ACADVL: variants seen among roughly 807,000 people sequenced by gnomAD.
ACADVL encodes acyl-CoA dehydrogenase very long chain, also known as very long-chain acyl-CoA dehydrogenase, mitochondrial.
In ACADVL, 73 loss-of-function variants were observed where a neutral mutation model predicts 80.4. The observed-to-expected ratio is 0.91, with a 90% confidence interval of 0.75 to 1.10. ACADVL has a LOEUF of 1.10. Ranked by LOEUF, ACADVL falls within the 50% of genes least tolerant of loss-of-function variation. The pLI is 0.00. For synonymous variants in ACADVL, 392 were observed against 326.5 expected (o/e 1.20, Z -2.16); for missense variants, 878 against 858.9 (o/e 1.02, Z -0.28).
Position 7,220,545 on chromosome 17 carries a change from G to A in ACADVL, c.204+16G>A, listed in dbSNP as rs780773899. ...GGCCAAGGCGGTAGGTAGCCCCGAG[G>A]CCAGGTGGACCTTAGCCAGACCCAA... On this transcript the variant is annotated intron_variant, in intron 3 of 19. Transcript: ENST00000356839. 19 of 1,614,094 alleles carry A rather than the reference G, an allele frequency of 1.2e-5. No individual in the cohort carries two copies. The highest frequency in any genetic ancestry group is 1.4e-5 in the Non-Finnish European group (16 of 1,180,030).
At chr17:7,222,336 G>C (rs766485203) in intron 9 of ACADVL, 34 bp downstream of exon 9, 1 of 1,609,524 alleles carries the variant, frequency 6.2e-7, no homozygotes. Context: ...GCTTAGGACT[G>C]AGGGGCAGGA....
At chr17:7,221,835 AG>A (rs1389362473) in intron 7 of ACADVL, 116 bp from the exon 8 acceptor site, 2 of 1,592,248 alleles carry the variant, frequency 1.3e-6, no homozygotes, top group African/African-American at 2.7e-5. Context: ...GACATGCAAA[AG>A]AACTGGATAC....
At chr17:7,221,400 T>C in intron 6 of ACADVL, 138 bp from the exon 7 acceptor site, 20 of 1,436,328 alleles carry the variant, frequency 1.4e-5, no homozygotes, top group Non-Finnish European at 1.8e-5. Flanking sequence ...TTCTACACAC[T>C]GGGGATGGCC....
At position 7,220,778 on chromosome 17, in the gene ACADVL, A is replaced by G. The variant is rs201498083; in HGVS notation, c.290A>G (p.Glu97Gly). ...VFPYPSVLNE[E>G]QTQFLKELVE... is the part of the protein sequence containing the mutation. The stretch of plus-strand genomic sequence containing the variant: ...CCACCCTCTGCAGTGCTCAACGAAG[A>G]GCAGACACAGTTTCTTAAAGAGCTG... The change falls in exon 5 of 20, where the codon GAG becomes GGG. Residue 97 changes from glutamate to glycine, a missense_variant. By Grantham distance (98) the Glu-to-Gly change is moderately conservative (BLOSUM62 -2). Transcript: ENST00000356839. 1.2e-6 allele frequency: 2 copies of G among 1,614,118 alleles called. No individual in the cohort carries two copies. The highest frequency in any genetic ancestry group is 4.5e-5 in the East Asian group (2 of 44,882).
At chr17:7,217,273 G>A, upstream of ACADVL, 1 of 1,220,776 alleles carries the variant, frequency 8.2e-7, no homozygotes, top group East Asian at 3.2e-5. Flanking sequence ...GCCAGGATGG[G>A]GGGAGGGGTG....
chr17:7,220,334 A>AG (rs2071134383), intron 2 of ACADVL, 130 bp from the exon 3 acceptor site: 15 of 1,532,306 alleles, frequency 9.8e-6, no homozygotes, highest in Non-Finnish European at 1.2e-5. Context: ...AGGGCAAGCC[A>AG]GGGTGCCCTA....
upstream of ACADVL, chr17:7,217,739 A>G (rs730880036): frequency 2.9e-4 from 448 of 1,534,904 alleles, 1 homozygote; most frequent in Non-Finnish European, 1.5e-4. Flanking sequence ...GGGAAAGGAG[A>G]TAGAAGCAGA....
At chr17:7,223,010 TC>T in intron 10 of ACADVL, 122 bp from the exon 11 acceptor site, 2 of 1,438,546 alleles carry the variant, frequency 1.4e-6, no homozygotes. Context: ...TAGGTCTCCA[TC>T]CAGCGTAGAC....
Position 7,225,224 on chromosome 17 carries a change from A to G in ACADVL, c.*127A>G. The G allele has an allele frequency of 7.7e-7, 1 of 1,298,444 alleles. No individual in the cohort carries two copies. The highest frequency in any genetic ancestry group is 1.1e-6 in the Non-Finnish European group (1 of 916,170). 80.4% of individuals were successfully genotyped at this position (1,298,444 alleles called of 1,614,324 possible). A position where few individuals can be genotyped will look rare whatever the true frequency, so the allele number is the denominator to read the frequency against. ...TCCCAGCACTGTGCCTGCTCTCAAG[A>G]GCACTTACTGCCTCGCAAATAATAA... On this transcript the variant is annotated 3_prime_UTR_variant, in exon 20 of 20. Transcript: ENST00000356839.
upstream of ACADVL, chr17:7,219,431 G>A (rs2071080040): frequency 9.8e-7 from 1 of 1,018,522 alleles, no homozygotes; most frequent in Non-Finnish European, 1.2e-6. Context: ...TGTTCCAAGA[G>A]TTAGTGAATG....
At chr17:7,218,651 C>G (rs1275822632), upstream of ACADVL, 4 of 1,557,558 alleles carry the variant, frequency 2.6e-6, no homozygotes, top group Admixed American at 1.9e-5. Flanking sequence ...TAGTGAGATG[C>G]AAGGAGAATT....
intron 4 of ACADVL, 24 bp from the exon 5 acceptor site, chr17:7,220,742 C>T: frequency 6.2e-7 from 1 of 1,614,184 alleles, no homozygotes; most frequent in Non-Finnish European, 8.5e-7. Context: ...CTGGCCTGAC[C>T]AGCCTGTCCC....
chr17:7,218,452 G>T, upstream of ACADVL: 2 of 1,436,642 alleles, frequency 1.4e-6, no homozygotes, highest in Non-Finnish European at 1.9e-6. Context: ...CTCCAGCTTG[G>T]ACCAAATGAT....
At position 7,224,677 on chromosome 17, in the gene ACADVL, G is replaced by T; in HGVS notation, c.1714G>T (p.Ala572Ser). Residue 572 changes from alanine (A) to serine (S), a missense_variant, in exon 18 of 20, where the codon GCC becomes TCC. Physicochemically the swap from Ala to Ser is moderately conservative, Grantham distance 99. Coordinates refer to ENST00000356839, the MANE Select transcript of ACADVL (RefSeq NM_000018.4). Reference protein sequence around the residue: ...QFLLQRLADGAIDLYAMVVVL... With the variant: ...QFLLQRLADGSIDLYAMVVVL... Reference sequence around the variant, plus strand: ...TCTGCTGCAGCGGCTGGCAGACGGGGCCATCGACCTCTATGCCATGGTGGT... The same window carrying T: ...TCTGCTGCAGCGGCTGGCAGACGGGTCCATCGACCTCTATGCCATGGTGGT... The T allele has an allele frequency of 6.4e-7, 1 of 1,574,532 alleles. No individual in the cohort carries two copies.
rs372114185 is a variant in ACADVL, at chr17:7,222,007, C to T, written c.678C>T (p.Ala226=). The T allele has an allele frequency of 9.3e-6, 15 of 1,614,046 alleles. No individual in the cohort carries two copies. The highest frequency in any genetic ancestry group is 4.5e-5 in the East Asian group (2 of 44,884). Reference sequence around the variant, plus strand: ...AGCCCTCAAGCGGGTCAGATGCAGCCTCCATCCGAACCTCTGCTGTGCCCA... The same window carrying T: ...AGCCCTCAAGCGGGTCAGATGCAGCTTCCATCCGAACCTCTGCTGTGCCCA... The part of the protein sequence containing the change: ...LTEPSSGSDA[A]SIRTSAVPSP... Residue 226 remains alanine, a synonymous_variant, in exon 8 of 20, where the codon GCC becomes GCT. Transcript: ENST00000356839.
At chr17:7,219,312 G>A (rs371167572), upstream of ACADVL, 5 of 835,132 alleles carry the variant, frequency 6.0e-6, no homozygotes, top group Middle Eastern at 1.2e-3. Context: ...CATGGTCTCT[G>A]GAAGGAACAG....
chr17:7,219,621 T>C, upstream of ACADVL: 1 of 1,214,542 alleles, frequency 8.2e-7, no homozygotes, highest in Non-Finnish European at 1.0e-6. Flanking sequence ...TTTTCCCTTC[T>C]AACCCCACCG....
chr17:7,224,744 C>T lies in ACADVL; in HGVS notation c.1751+30C>T, dbSNP rs757837505. On this transcript the variant is annotated intron_variant, in intron 18 of 19. Transcript: ENST00000356839. ...GGAGGCAGGCAGGGAATGCCTGAGC[C>T]GCAGGGGGCCTGGGCCTGGATCCCA... The T allele has an allele frequency of 5.6e-6, 9 of 1,611,446 alleles. No individual in the cohort carries two copies. Among genetic ancestry groups the T allele is most frequent in the Middle Eastern group, 1.7e-4 (1 of 6,016 alleles).
Position 7,220,190 on chromosome 17 carries a change from C to A in ACADVL, c.131C>A (p.Ala44Asp). 6.5e-7 allele frequency: 1 copy of A among 1,533,044 alleles called. No individual in the cohort carries two copies. The highest frequency in any genetic ancestry group is 8.7e-7 in the Non-Finnish European group (1 of 1,145,892). 95.0% of individuals were successfully genotyped at this position (1,533,044 alleles called of 1,614,324 possible). ...GCCCGGCGGCCCTATGCCGGGGGTGCCGCTCAGGTAAGTCACCGCAGCCTT... is the reference window on the plus strand; with the variant it reads ...GCCCGGCGGCCCTATGCCGGGGGTGACGCTCAGGTAAGTCACCGCAGCCTT... ...GPARRPYAGG[A>D]AQLALDKSDS... Residue 44 changes from alanine (A) to aspartate (D), a missense_variant, in exon 2 of 20, where the codon GCC becomes GAC. By Grantham distance (126) the Ala-to-Asp change is moderately radical. Transcript: ENST00000356839.
Sources: gnomAD v4.1 joint callset for allele counts on GRCh38, gnomAD v4.1.1 for gene constraint, MANE v1.5 for transcripts, NCBI Gene and HGNC (gene_info 2026-07-23, HGNC 2026-07-21) for gene names.